Variants in CAND1 observed in about 807,000 individuals in gnomAD.
The protein encoded by CAND1 is cullin associated and neddylation dissociated 1.
In CAND1, 7 loss-of-function variants were observed where a neutral mutation model predicts 108.5. The observed-to-expected ratio is 0.06, with a 90% confidence interval of 0.04 to 0.12. The LOEUF (loss-of-function observed/expected upper bound fraction) is 0.12. Ranked by LOEUF, CAND1 falls within the 10% of genes least tolerant of loss-of-function variation. The pLI is 1.00. For synonymous variants in CAND1, 534 were observed against 512.0 expected (o/e 1.04, Z -0.58); for missense variants, 941 against 1,448.7 (o/e 0.65, Z 5.69).
chr12:67,309,977 A>C lies in CAND1; in HGVS notation c.3102A>C (p.Ala1034=), dbSNP rs909169834. 2 of 1,612,658 alleles carry C rather than the reference A, an allele frequency of 1.2e-6. No individual in the cohort carries two copies. The highest frequency in any genetic ancestry group is 1.7e-6 in the Non-Finnish European group (2 of 1,178,832). Residue 1034 remains alanine, a synonymous_variant, in exon 12 of 15, where the codon GCA becomes GCC. Transcript: ENST00000545606. ...RVALVTFNSA[A]HNKPSLIRDL... ...CCTTGGTCACATTTAATTCAGCAGCACATAACAAGCCATCATTAATAAGGG... is the reference window on the plus strand; with the variant it reads ...CCTTGGTCACATTTAATTCAGCAGCCCATAACAAGCCATCATTAATAAGGG...
At chr12:67,292,571 G>A (rs372718332) in intron 2 of CAND1, 51 bp from the exon 3 acceptor site, 42 of 1,408,888 alleles carry the variant, frequency 3.0e-5, no homozygotes, top group Non-Finnish European at 3.7e-5. Context: ...GTATTTTCCT[G>A]TTTTTGTGCT....
At chr12:67,300,134 G>A (rs2044810225) in intron 7 of CAND1, among the ~76,000 whole-genome samples, 1 of 151,984 alleles carries the variant, frequency 6.6e-6, no homozygotes, top group Non-Finnish European at 1.5e-5. Context: ...ACTCAGTCTC[G>A]GCAACATTTC....
chr12:67,284,512 A>C (rs1267839425), intron 2 of CAND1, among the ~76,000 whole-genome samples: 1 of 152,170 alleles, frequency 6.6e-6, no homozygotes, highest in Non-Finnish European at 1.5e-5. Flanking sequence ...AAAACGAACA[A>C]AAGCACTTAG....
intron 2 of CAND1, among the ~76,000 whole-genome samples, chr12:67,287,168 G>C (rs1489244555): frequency 1.3e-5 from 2 of 152,144 alleles, no homozygotes; most frequent in East Asian, 3.9e-4. Context: ...CTGGCCAATA[G>C]CATTCCCACC....
At chr12:67,287,630 A>G (rs1169092021) in intron 2 of CAND1, among the ~76,000 whole-genome samples, 1 of 151,956 alleles carries the variant, frequency 6.6e-6, no homozygotes, top group Non-Finnish European at 1.5e-5. Flanking sequence ...TGAATCAGGA[A>G]CTTACCAGCT....
At chr12:67,302,834 A>G (rs1362218054) in intron 8 of CAND1, among the ~76,000 whole-genome samples, 1 of 152,212 alleles carries the variant, frequency 6.6e-6, no homozygotes, top group Non-Finnish European at 1.5e-5. Context: ...AATAATTTTA[A>G]GATTCAGTAA....
chr12:67,306,739 G>A (rs1040846125), intron 10 of CAND1, 142 bp downstream of exon 10: 43 of 622,228 alleles, frequency 6.9e-5, no homozygotes, highest in Non-Finnish European at 1.0e-4. Context: ...ACTGTCTTTC[G>A]TAGTATGGAG....
intron 2 of CAND1, among the ~76,000 whole-genome samples, chr12:67,284,782 GAC>G (rs1232236438): frequency 1.4e-5 from 2 of 145,746 alleles, no homozygotes; most frequent in African/African-American, 5.1e-5. Context: ...CCCCGCCCCC[GAC>G]ACACACACAT....
At chr12:67,299,235 C>A in intron 7 of CAND1, 140 bp downstream of exon 7, 1 of 793,940 alleles carries the variant, frequency 1.3e-6, no homozygotes, top group Non-Finnish European at 1.9e-6. Flanking sequence ...TTGACAACAG[C>A]AAATTAAGTT....
chr12:67,284,762 A>G (rs1010216904), intron 2 of CAND1, among the ~76,000 whole-genome samples: 5 of 152,040 alleles, frequency 3.3e-5, no homozygotes, highest in Admixed American at 3.3e-4. Context: ...ACACACACAC[A>G]CACTTCAGCC....
At chr12:67,295,202 C>A in intron 4 of CAND1, 46 bp downstream of exon 4, 1 of 1,511,092 alleles carries the variant, frequency 6.6e-7, no homozygotes, top group Non-Finnish European at 8.9e-7. Context: ...CAGATAACTA[C>A]ATTAATTTAC....
chr12:67,304,288 T>C (rs1235761809), intron 8 of CAND1, among the ~76,000 whole-genome samples: 1 of 152,154 alleles, frequency 6.6e-6, no homozygotes, highest in East Asian at 1.9e-4. Context: ...GTGCCCAGCC[T>C]ATTAATTTCT....
At position 67,318,325 on chromosome 12, in the gene CAND1, ATTAG is replaced by A. The variant is rs2045028760; in HGVS notation, c.*5498_*5501del. On this transcript the variant is annotated 3_prime_UTR_variant, in exon 15 of 15. Coordinates refer to ENST00000545606, the MANE Select transcript of CAND1 (RefSeq NM_018448.5). ...CAGATAGATAGACATCATATATCAT[ATTAG>A]TTTGAATCCTGGCTGTTAGCTGTTA... is the stretch of plus-strand genomic sequence containing the variant. 6.6e-6 allele frequency: 1 copy of A among 152,252 alleles called. No individual in the cohort carries two copies. The highest frequency in any genetic ancestry group is 1.5e-5 in the Non-Finnish European group (1 of 68,048). 9.4% of individuals were successfully genotyped at this position (152,252 alleles called of 1,614,324 possible). A position where few individuals can be genotyped will look rare whatever the true frequency, so the allele number is the denominator to read the frequency against.
At position 67,302,395 on chromosome 12, in the gene CAND1, A is replaced by G; in HGVS notation, c.1073A>G (p.Asp358Gly). 6.2e-7 allele frequency: 1 copy of G among 1,614,136 alleles called. No individual in the cohort carries two copies. Among genetic ancestry groups the G allele is most frequent in the Non-Finnish European group, 8.5e-7 (1 of 1,179,966 alleles). Residue 358 changes from aspartate to glycine, a missense_variant, in exon 8 of 15, where the codon GAT becomes GGT. Around this residue, in one of 9 missense-constraint regions of CAND1, gnomAD observed 697 missense variants for 942.0 expected, o/e 0.74. Coordinates refer to ENST00000545606, the MANE Select transcript of CAND1 (RefSeq NM_018448.5). Reference sequence around the variant, plus strand: ...AGACGTGCAGCTGCGAAGTGCTTGGATGCTGTAGTTAGCACAAGGCATGAA... The same window carrying G: ...AGACGTGCAGCTGCGAAGTGCTTGGGTGCTGTAGTTAGCACAAGGCATGAA... ...KVRRAAAKCLDAVVSTRHEML... is the reference protein window; with the variant it reads ...KVRRAAAKCLGAVVSTRHEML...
At chr12:67,271,385 T>TA (rs1431836755) in intron 1 of CAND1, among the ~76,000 whole-genome samples, 1 of 152,234 alleles carries the variant, frequency 6.6e-6, no homozygotes, top group African/African-American at 2.4e-5. Context: ...GCTCATCCTG[T>TA]AAAGGTGGTA....
Position 67,305,494 on chromosome 12 carries a change from C to G in CAND1, c.1826C>G (p.Pro609Arg), listed in dbSNP as rs750628433. Residue 609 changes from proline to arginine, a missense_variant, in exon 10 of 15, where the codon CCT becomes CGT. Around this residue, in one of 9 missense-constraint regions of CAND1, gnomAD observed 697 missense variants for 942.0 expected, o/e 0.74. Coordinates refer to ENST00000545606, the MANE Select transcript of CAND1 (RefSeq NM_018448.5). The surrounding 1 kb of genome is among the most constrained non-coding windows in gnomAD (Gnocchi z 4.4). Reference sequence around the variant, plus strand: ...GGAGACAATTTGGGTTCTGACTTGCCTAATACACTTCAGATTTTCTTGGAG... The same window carrying G: ...GGAGACAATTTGGGTTCTGACTTGCGTAATACACTTCAGATTTTCTTGGAG... ...NLGDNLGSDL[P>R]NTLQIFLERL... 24 of 1,613,628 alleles carry G rather than the reference C, an allele frequency of 1.5e-5. No individual in the cohort carries two copies. Among genetic ancestry groups the G allele is most frequent in the Non-Finnish European group, 2.0e-5 (24 of 1,179,976 alleles).
intron 2 of CAND1, among the ~76,000 whole-genome samples, chr12:67,282,620 G>A (rs1235823058): frequency 6.6e-6 from 1 of 151,932 alleles, no homozygotes; most frequent in Non-Finnish European, 1.5e-5. Flanking sequence ...TCTAACTCCT[G>A]GGCTCAAGTG....
intron 2 of CAND1, among the ~76,000 whole-genome samples, chr12:67,292,083 T>C: frequency 6.6e-6 from 1 of 152,104 alleles, no homozygotes; most frequent in East Asian, 1.9e-4. Context: ...GCCAGGCTGG[T>C]CTCGAACTCC....
intron 1 of CAND1, among the ~76,000 whole-genome samples, chr12:67,277,233 T>C (rs2044577868): frequency 6.6e-6 from 1 of 152,230 alleles, no homozygotes; most frequent in South Asian, 2.1e-4. Flanking sequence ...TCACAAACAC[T>C]GAGTTAGCAA....
Sources: allele counts gnomAD v4.1 joint callset (sites outside exome capture counted in the v4.1 genomes callset), GRCh38; gene constraint gnomAD v4.1.1; regional missense constraint gnomAD v4.1.1; non-coding constraint Gnocchi (gnomAD v3.1); transcripts MANE v1.5; gene names NCBI Gene and HGNC (gene_info 2026-07-23, HGNC 2026-07-21).